MYRIP: variants seen among roughly 807,000 people sequenced by gnomAD.
MYRIP encodes the protein myosin VIIA and Rab interacting protein.
Under a neutral mutation model 98.0 loss-of-function variants are expected in MYRIP, and 49 were observed. The ratio of observed to expected loss-of-function variants is 0.50; its 90% CI spans 0.40 to 0.63. The LOEUF (loss-of-function observed/expected upper bound fraction) is 0.63, where lower values mean the gene tolerates loss of function less well. Ranked by LOEUF, MYRIP falls within the 30% of genes least tolerant of loss-of-function variation. The pLI is 0.00. For missense variants in MYRIP, 1,004 were observed against 1,058.2 expected, an observed-to-expected ratio of 0.95 and a Z score of 0.71; for synonymous variants, 404 against 409.5, an observed-to-expected ratio of 0.99 and a Z score of 0.16.
At chr3:40,006,703 T>G (rs1019624696) in intron 2 of MYRIP, among the ~76,000 whole-genome samples, 9 of 152,346 alleles carry the variant, frequency 5.9e-5, no homozygotes, top group Non-Finnish European at 1.2e-4. Flanking sequence ...TTATAAAGAC[T>G]AATACTTACT....
At chr3:39,831,200 A>C (rs1941435302) in intron 1 of MYRIP, among the ~76,000 whole-genome samples, 1 of 151,808 alleles carries the variant, frequency 6.6e-6, no homozygotes, top group Non-Finnish European at 1.5e-5. Flanking sequence ...AATCTTCTTT[A>C]CCTGTTTATT....
intron 1 of MYRIP, among the ~76,000 whole-genome samples, chr3:39,835,350 T>C (rs1209620121): frequency 6.7e-6 from 1 of 148,610 alleles, no homozygotes; most frequent in Non-Finnish European, 1.5e-5. Flanking sequence ...CTTTGAGAAT[T>C]GCTGGGGGCG....
upstream of MYRIP, chr3:39,809,554 G>A (rs1359571091): frequency 1.3e-5 from 2 of 150,540 alleles, no homozygotes; most frequent in Non-Finnish European, 3.0e-5. Context: ...CCCCGCTCCG[G>A]GCGCCTCTGA....
Position 40,260,008 on chromosome 3 carries a change from G to A in MYRIP, c.*1842G>A, listed in dbSNP as rs1953715639. 1 of 152,596 alleles carries A rather than the reference G, an allele frequency of 6.6e-6. No individual in the cohort carries two copies. The highest frequency in any genetic ancestry group is 2.1e-4 in the South Asian group (1 of 4,834). The allele number at this position is 152,596 out of a possible 1,614,324, so 9.5% of individuals were successfully genotyped here. A position where few individuals can be genotyped will look rare whatever the true frequency, so the allele number is the denominator to read the frequency against. ...AAGCAGCAGCAGCAGCCTGCTGTGT[G>A]GCATCTGAACTTTTATAAAGGTTTC... is the stretch of plus-strand genomic sequence containing the variant. On this transcript the variant is annotated 3_prime_UTR_variant, in exon 17 of 17. Transcript: ENST00000302541.
At chr3:40,018,281 A>G (rs1946914339) in intron 2 of MYRIP, among the ~76,000 whole-genome samples, 1 of 152,164 alleles carries the variant, frequency 6.6e-6, no homozygotes, top group African/African-American at 2.4e-5. Context: ...ACCATCAGAA[A>G]TTGACTCACA....
At chr3:40,223,191 CAA>C (rs1952385295) in intron 11 of MYRIP, among the ~76,000 whole-genome samples, 1 of 152,126 alleles carries the variant, frequency 6.6e-6, no homozygotes, top group South Asian at 2.1e-4. Context: ...CAATGCAAAT[CAA>C]AATCTGAACC....
At chr3:39,816,744 A>G (rs1940928987) in intron 1 of MYRIP, among the ~76,000 whole-genome samples, 1 of 152,242 alleles carries the variant, frequency 6.6e-6, no homozygotes, top group Non-Finnish European at 1.5e-5. Context: ...AAAACATAAT[A>G]ATTATAGAAA....
At chr3:39,984,625 A>G (rs1244295384) in intron 2 of MYRIP, among the ~76,000 whole-genome samples, 6 of 152,068 alleles carry the variant, frequency 3.9e-5, no homozygotes, top group Non-Finnish European at 8.8e-5. Context: ...CCAGTCTATC[A>G]TTGTTGGACA....
In MYRIP at chr3:40,024,773, G is replaced by A. The variant is rs548141738; in HGVS notation, c.111-19277G>A. ...AGAGCTTTCCACCTGCTCAAGGTCA[G>A]GAGTGGATGTGCCTGATTTCACTCT... is the stretch of plus-strand genomic sequence containing the variant. On this transcript the variant is annotated intron_variant, in intron 2 of 16. Coordinates refer to ENST00000302541, the MANE Select transcript of MYRIP (RefSeq NM_015460.4). 1.1e-3 allele frequency among the ~76,000 whole-genome samples: 169 copies of A among 152,252 alleles called. 1 individual carries two copies. The highest frequency in any genetic ancestry group is 3.8e-3 in the African/African-American group (156 of 41,568).
chr3:39,820,034 G>A (rs1454523928), intron 1 of MYRIP, among the ~76,000 whole-genome samples: 1 of 152,116 alleles, frequency 6.6e-6, no homozygotes, highest in African/African-American at 2.4e-5. Context: ...ATCTGCAGCC[G>A]GGATACACAA....
At chr3:39,934,377 A>C (rs1944610626) in intron 2 of MYRIP, among the ~76,000 whole-genome samples, 1 of 152,078 alleles carries the variant, frequency 6.6e-6, no homozygotes, top group Non-Finnish European at 1.5e-5. Flanking sequence ...CCAAGATCAC[A>C]CTTGAGATAT....
At chr3:40,099,804 A>G (rs2125890678) in intron 3 of MYRIP, among the ~76,000 whole-genome samples, 3 of 152,342 alleles carry the variant, frequency 2.0e-5, no homozygotes, top group Middle Eastern at 3.4e-3. Flanking sequence ...TGGCTCTTCC[A>G]TATCTTGAAT....
chr3:40,255,516 C>CGAAA (rs1953553878), intron 16 of MYRIP, among the ~76,000 whole-genome samples: 1 of 151,812 alleles, frequency 6.6e-6, no homozygotes, highest in Non-Finnish European at 1.5e-5. Flanking sequence ...AGGTTAAAAA[C>CGAAA]GAAAGAACAG....
chr3:39,875,249 T>C (rs1421753219), intron 1 of MYRIP, among the ~76,000 whole-genome samples: 1 of 152,208 alleles, frequency 6.6e-6, no homozygotes, highest in African/African-American at 2.4e-5. Flanking sequence ...TTCTTAGTCT[T>C]GCTAGTGGTC....
At chr3:39,984,019 A>T (rs945515078) in intron 2 of MYRIP, among the ~76,000 whole-genome samples, 2 of 152,066 alleles carry the variant, frequency 1.3e-5, no homozygotes, top group South Asian at 2.1e-4. Flanking sequence ...GCATTAAATT[A>T]TCTCTTCTTT....
At chr3:39,809,307 C>T (rs1479755217), upstream of MYRIP, among the ~76,000 whole-genome samples, 2 of 151,500 alleles carry the variant, frequency 1.3e-5, no homozygotes, top group African/African-American at 4.8e-5. Flanking sequence ...CCCAATACTG[C>T]ACTGCGCCGC....
intron 2 of MYRIP, among the ~76,000 whole-genome samples, chr3:39,957,645 T>C (rs562568099): frequency 6.6e-6 from 1 of 152,170 alleles, no homozygotes; most frequent in East Asian, 1.9e-4. Flanking sequence ...CTCTCACCAC[T>C]CCTATTCAAC....
intron 1 of MYRIP, among the ~76,000 whole-genome samples, chr3:39,837,223 G>A (rs1941654208): frequency 6.6e-6 from 1 of 152,176 alleles, no homozygotes; most frequent in South Asian, 2.1e-4. Context: ...AGTTTAATTA[G>A]ATCCCATTTG....
chr3:40,218,612 T>TATATATATATATATATAA (rs1553629190), intron 11 of MYRIP, among the ~76,000 whole-genome samples: 53 of 13,572 alleles, frequency 3.9e-3, no homozygotes, highest in Admixed American at 3.8e-3. Flanking sequence ...TATATATATT[T>TATATATATATATATATAA]TATATATATA....
Sources: allele counts gnomAD v4.1 joint callset (sites outside exome capture counted in the v4.1 genomes callset), GRCh38; gene constraint gnomAD v4.1.1; transcripts MANE v1.5; gene names NCBI Gene and HGNC (gene_info 2026-07-23, HGNC 2026-07-21).